Variants in ACYP2 observed in about 807,000 individuals in gnomAD.
The protein encoded by ACYP2 is acylphosphatase 2.
ACYP2 carries 12 observed loss-of-function variants against 11.2 expected under a neutral mutation model. The ratio of observed to expected loss-of-function variants is 1.08; its 90% CI spans 0.69 to 1.74. ACYP2 has a LOEUF of 1.74. Among genes scored for constraint, ACYP2 ranks in the 40% most tolerant of loss-of-function variants. ACYP2 has a pLI of 0.00. For synonymous variants in ACYP2, 43 were observed against 32.2 expected, an observed-to-expected ratio of 1.33 and a Z score of -1.13; for missense variants, 134 against 101.9, an observed-to-expected ratio of 1.31 and a Z score of -1.35.
intron 6 of ACYP2, among the ~76,000 whole-genome samples, chr2:54,281,688 G>A (rs1264880357): frequency 6.6e-6 from 1 of 152,168 alleles, no homozygotes; most frequent in Non-Finnish European, 1.5e-5. Flanking sequence ...TTACTCTTGT[G>A]AATCAGAGTG....
intron 6 of ACYP2, among the ~76,000 whole-genome samples, chr2:54,144,092 C>T (rs1425826149): frequency 6.6e-6 from 1 of 152,050 alleles, no homozygotes; most frequent in Non-Finnish European, 1.5e-5. Flanking sequence ...ATCTCAGCCA[C>T]CCAAGTAGCT....
At chr2:54,111,803 G>T (rs7558563) in intron 4 of ACYP2, among the ~76,000 whole-genome samples, 10,582 of 152,216 alleles carry the variant, frequency 0.07, 522 homozygotes, top group East Asian at 0.29. Flanking sequence ...GAAATATGCC[G>T]ATGGATAAAG....
At chr2:54,228,640 G>A (rs1029237684) in intron 6 of ACYP2, among the ~76,000 whole-genome samples, 3 of 151,934 alleles carry the variant, frequency 2.0e-5, no homozygotes, top group African/African-American at 7.3e-5. Context: ...TAGCCCTGAG[G>A]CCAAGTTCTA....
intron 6 of ACYP2, among the ~76,000 whole-genome samples, chr2:54,172,623 C>CT (rs1383415066): frequency 6.6e-6 from 1 of 152,040 alleles, no homozygotes; most frequent in African/African-American, 2.4e-5. Flanking sequence ...TATTATTATA[C>CT]TTTAAGTTCT....
At chr2:54,038,820 TAAATA>T (rs1000052279) in intron 2 of ACYP2, among the ~76,000 whole-genome samples, 5 of 134,022 alleles carry the variant, frequency 3.7e-5, no homozygotes, top group Non-Finnish European at 8.1e-5. Context: ...AAAAAAAAGA[TAAATA>T]AAATAAACAT....
At chr2:54,156,439 G>C (rs144392371) in intron 6 of ACYP2, among the ~76,000 whole-genome samples, 1 of 152,230 alleles carries the variant, frequency 6.6e-6, no homozygotes, top group East Asian at 1.9e-4. Flanking sequence ...ACAAGCCCCA[G>C]TGTGTGTTGT....
chr2:54,066,448 C>G (rs1243810072), intron 4 of ACYP2, among the ~76,000 whole-genome samples: 1 of 152,192 alleles, frequency 6.6e-6, no homozygotes, highest in African/African-American at 2.4e-5. Context: ...TGAAAACAAA[C>G]TAGTGCACGC....
intron 4 of ACYP2, among the ~76,000 whole-genome samples, chr2:54,093,741 C>G (rs2103686098): frequency 6.6e-6 from 1 of 152,224 alleles, no homozygotes; most frequent in South Asian, 2.1e-4. Context: ...GAGATCAAGA[C>G]CATCCTGGCT....
At chr2:54,244,287 C>A (rs1178066772) in intron 6 of ACYP2, among the ~76,000 whole-genome samples, 1 of 152,114 alleles carries the variant, frequency 6.6e-6, no homozygotes, top group African/African-American at 2.4e-5. Context: ...CTGCAACCTC[C>A]GCCTCCTGGG....
intron 2 of ACYP2, among the ~76,000 whole-genome samples, chr2:54,022,321 G>A (rs948697193): frequency 6.6e-5 from 10 of 152,128 alleles, no homozygotes; most frequent in South Asian, 4.1e-4. Context: ...AATATTTTGG[G>A]CTTTTATTTT....
At chr2:53,986,913 C>T (rs994599832) in intron 2 of ACYP2, among the ~76,000 whole-genome samples, 2 of 152,198 alleles carry the variant, frequency 1.3e-5, no homozygotes, top group African/African-American at 4.8e-5. Context: ...GTGTGAGCCA[C>T]CGCACCCGAC....
At chr2:54,182,191 C>G (rs908461171) in intron 6 of ACYP2, among the ~76,000 whole-genome samples, 4 of 151,404 alleles carry the variant, frequency 2.6e-5, no homozygotes, top group African/African-American at 9.7e-5. Context: ...TCCCGAGTAG[C>G]TGGGATTACA....
chr2:53,983,507 AAAAAG>A (rs1211289099), intron 2 of ACYP2, among the ~76,000 whole-genome samples: 2 of 152,164 alleles, frequency 1.3e-5, no homozygotes. Context: ...CCCTGTCTCA[AAAAAG>A]AAAAGAAAAC....
At chr2:54,060,190 G>C (rs1676387908) in intron 4 of ACYP2, among the ~76,000 whole-genome samples, 1 of 152,078 alleles carries the variant, frequency 6.6e-6, no homozygotes, top group Admixed American at 6.5e-5. Flanking sequence ...TTCTTTTTCT[G>C]AAAATCCTAT....
At chr2:54,039,120 T>C (rs986667404) in intron 2 of ACYP2, among the ~76,000 whole-genome samples, 2 of 150,742 alleles carry the variant, frequency 1.3e-5, no homozygotes, top group African/African-American at 4.9e-5. Flanking sequence ...GGGAAAGAAG[T>C]AGAGGGTGAG....
At chr2:54,154,328 T>C (rs1275115480) in intron 6 of ACYP2, among the ~76,000 whole-genome samples, 3 of 152,216 alleles carry the variant, frequency 2.0e-5, no homozygotes, top group Non-Finnish European at 4.4e-5. Flanking sequence ...CTACATTAAA[T>C]AGAAATGATG....
At chr2:54,144,326 C>T (rs2103795999) in intron 6 of ACYP2, among the ~76,000 whole-genome samples, 1 of 152,062 alleles carries the variant, frequency 6.6e-6, no homozygotes, top group East Asian at 1.9e-4. Context: ...TTTTATTTTG[C>T]TAGGAAATTA....
intron 2 of ACYP2, among the ~76,000 whole-genome samples, chr2:54,021,373 GA>G (rs2104546340): frequency 6.6e-6 from 1 of 152,272 alleles, no homozygotes; most frequent in South Asian, 2.1e-4. Context: ...TTAAAATGGA[GA>G]ATGAAGAACA....
intron 6 of ACYP2, among the ~76,000 whole-genome samples, chr2:54,246,365 TCTAA>T (rs1011559042): frequency 8.5e-5 from 13 of 152,170 alleles, no homozygotes; most frequent in African/African-American, 2.4e-4. Context: ...AGTCTTCCTA[TCTAA>T]CTAACTTGGT....
Sources: allele counts gnomAD v4.1 joint callset (sites outside exome capture counted in the v4.1 genomes callset), GRCh38; gene constraint gnomAD v4.1.1; transcripts MANE v1.5; gene names NCBI Gene and HGNC (gene_info 2026-07-23, HGNC 2026-07-21).